C4orf51: variants seen among roughly 807,000 people sequenced by gnomAD.
C4orf51 encodes uncharacterized protein C4orf51.
A neutral mutation model predicts 25.2 loss-of-function variants in C4orf51; 25 were observed. The ratio of observed to expected loss-of-function variants is 0.99; its 90% CI spans 0.72 to 1.39. The LOEUF (loss-of-function observed/expected upper bound fraction) is 1.39, where lower values mean the gene tolerates loss of function less well. Ranked by LOEUF, C4orf51 falls within the 40% of genes most tolerant of loss-of-function variation. C4orf51 has a pLI of 0.00. For missense variants in C4orf51, 252 were observed against 239.6 expected (o/e 1.05, Z -0.34); for synonymous variants, 100 against 84.5 (o/e 1.18, Z -1.01).
At chr4:145,713,972 G>A (rs561322752) in intron 2 of C4orf51, among the ~76,000 whole-genome samples, 9 of 152,078 alleles carry the variant, frequency 5.9e-5, no homozygotes, top group African/African-American at 1.9e-4. Flanking sequence ...TAGTAGAGAC[G>A]GAGTTTCACT....
chr4:145,719,980 G>C (rs1426824915), intron 2 of C4orf51, among the ~76,000 whole-genome samples: 2 of 152,172 alleles, frequency 1.3e-5, no homozygotes, highest in African/African-American at 2.4e-5. Context: ...TGAGTATCTC[G>C]TGGCTTCCGA....
At chr4:145,717,179 G>GT (rs1300950772) in intron 2 of C4orf51, among the ~76,000 whole-genome samples, 1 of 152,186 alleles carries the variant, frequency 6.6e-6, no homozygotes, top group African/African-American at 2.4e-5. Context: ...AGTTGGGTGG[G>GT]TGGGGGCATT....
rs558142715 is a variant in C4orf51, at chr4:145,761,101, G to A, written n.167-9887G>A. 4.7e-6 allele frequency: 6 copies of A among 1,289,612 alleles called. No individual in the cohort carries two copies. In the South Asian group the frequency reaches 6.2e-5, roughly 13 times the overall value. The allele number at this position is 1,289,612 out of a possible 1,614,324, so 79.9% of individuals were successfully genotyped here. A position where few individuals can be genotyped will look rare whatever the true frequency, so the allele number is the denominator to read the frequency against. Reference sequence around the variant, plus strand: ...TGACAGGGGAGACAGGAGATTCCGGGAGCTCCCGACCACCAGGAGCGGGGC... The same window carrying A: ...TGACAGGGGAGACAGGAGATTCCGGAAGCTCCCGACCACCAGGAGCGGGGC... On this transcript the variant is annotated intron_variant and non_coding_transcript_variant, in intron 1 of 1. Coordinates refer to the C4orf51 transcript ENST00000510096. This position sits in a 1 kb window ranked among gnomAD's most constrained non-coding sequence, Gnocchi z 6.8.
At chr4:145,759,324 C>CA (rs1734212462), downstream of C4orf51, 1 of 152,104 alleles carries the variant, frequency 6.6e-6, no homozygotes, top group Non-Finnish European at 1.5e-5. Context: ...TTAAGATTAG[C>CA]AAAGAGCTTT....
At chr4:145,713,462 G>T (rs1731238464) in intron 2 of C4orf51, among the ~76,000 whole-genome samples, 1 of 152,202 alleles carries the variant, frequency 6.6e-6, no homozygotes, top group African/African-American at 2.4e-5. Context: ...GACTTCTGTG[G>T]AGTAAGTATG....
In C4orf51 at chr4:145,693,551, A is replaced by C. The variant is rs1315562957; in HGVS notation, c.234-3008A>C. 6.0e-5 allele frequency among the ~76,000 whole-genome samples: 9 copies of C among 149,384 alleles called. No homozygotes were observed. The East Asian group carries it at 1.8e-3, about 30-fold the overall frequency. On this transcript the variant is annotated intron_variant, in intron 1 of 5. Coordinates refer to ENST00000438731, the MANE Select transcript of C4orf51 (RefSeq NM_001080531.3). ...CCGTTCTCAATGAGCTGTTGGGTAC[A>C]CCTCCCAGATGGGGTGGTGGCCGGG...
At position 145,750,020 on chromosome 4, in the gene C4orf51, C is replaced by T. The variant is rs567069754; in HGVS notation, n.168-4187C>T. Among the ~76,000 whole-genome samples the T allele has an allele frequency of 2.0e-5, 3 of 152,292 alleles. No homozygotes were observed. The South Asian group carries it at 6.2e-4, about 32-fold the overall frequency. ...AAACAGAAAACTAATAAAGACTCTA[C>T]ACTTTACCTTCATCTCCCACTTTTT... On this transcript the variant is annotated intron_variant and non_coding_transcript_variant, in intron 1 of 1. Transcript: ENST00000508981.
chr4:145,692,968 T>G (rs1233110937), intron 1 of C4orf51, among the ~76,000 whole-genome samples: 7 of 110,056 alleles, frequency 6.4e-5, no homozygotes, highest in South Asian at 3.0e-4. Context: ...TTTTTTTTTT[T>G]TTTTTTTTTT....
At chr4:145,786,865 G>A in the C4orf51 span, among the ~76,000 whole-genome samples, 3 of 152,146 alleles carry the variant, frequency 2.0e-5, no homozygotes, top group South Asian at 2.1e-4. Context: ...AACATCTACC[G>A]TTTTAGAATT....
rs990426443 is a variant in C4orf51, at chr4:145,765,416, G to T, written n.167-5572G>T. On this transcript the variant is annotated intron_variant and non_coding_transcript_variant, in intron 1 of 1. Coordinates refer to the C4orf51 transcript ENST00000510096. This position sits in a 1 kb window ranked among gnomAD's most constrained non-coding sequence, Gnocchi z 4.7. ...AAGCCAAAAGAAATACAACCTTTAG[G>T]TGAGGCCCAGCATACTGCATCCTGG... The T allele has an allele frequency of 8.6e-7, 1 of 1,161,946 alleles. No homozygotes were observed. The highest frequency in any genetic ancestry group is 1.2e-6 in the Non-Finnish European group (1 of 839,016). 72.0% of individuals were successfully genotyped at this position (1,161,946 alleles called of 1,614,324 possible). A position where few individuals can be genotyped will look rare whatever the true frequency, so the allele number is the denominator to read the frequency against.
chr4:145,725,410 C>A (rs1049451799), intron 2 of C4orf51, among the ~76,000 whole-genome samples: 10 of 152,020 alleles, frequency 6.6e-5, no homozygotes, highest in African/African-American at 2.4e-4. Flanking sequence ...AAATTAATAG[C>A]AGAACCCAGT....
downstream of C4orf51, among the ~76,000 whole-genome samples, chr4:145,755,032 T>C (rs1037069200): frequency 1.3e-5 from 2 of 152,250 alleles, no homozygotes; most frequent in African/African-American, 2.4e-5. Context: ...ACTGAGCCTG[T>C]TGTGACTTGA....
At chr4:145,755,931 G>A (rs767837421), downstream of C4orf51, among the ~76,000 whole-genome samples, 17 of 152,124 alleles carry the variant, frequency 1.1e-4, no homozygotes, top group Non-Finnish European at 2.2e-4. Context: ...GCTGGGAAGG[G>A]TTCCAGTTCT....
downstream of C4orf51, chr4:145,774,495 G>A: frequency 6.2e-7 from 1 of 1,606,770 alleles, no homozygotes; most frequent in Non-Finnish European, 8.5e-7. Flanking sequence ...AGGACAGACA[G>A]GAATGGTCAC....
chr4:145,779,296 G>C, the C4orf51 span: 1 of 1,527,994 alleles, frequency 6.5e-7, no homozygotes, highest in South Asian at 1.3e-5. Flanking sequence ...GCCTCTCTTA[G>C]AGAAACTCAG....
intron 3 of C4orf51, among the ~76,000 whole-genome samples, chr4:145,727,606 T>C (rs1732133185): frequency 6.6e-6 from 1 of 151,722 alleles, no homozygotes; most frequent in African/African-American, 2.4e-5. Flanking sequence ...CCGGGCACGG[T>C]GGCTCATGCC....
chr4:145,687,002 TG>T (rs138977901), intron 1 of C4orf51, among the ~76,000 whole-genome samples: 6 of 123,520 alleles, frequency 4.9e-5, no homozygotes, highest in Admixed American at 2.4e-4. Flanking sequence ...TTGGATCTTG[TG>T]GGGGGGGCGG....
rs111467990 is a variant in C4orf51 at position 145,765,392 on chromosome 4, A to G, written n.167-5596A>G. Among the ~76,000 whole-genome samples, 1 of 152,188 alleles carries G rather than the reference A, an allele frequency of 6.6e-6. No individual in the cohort carries two copies. The highest frequency in any genetic ancestry group is 1.5e-5 in the Non-Finnish European group (1 of 68,032). On this transcript the variant is annotated intron_variant and non_coding_transcript_variant, in intron 1 of 1. Coordinates refer to the C4orf51 transcript ENST00000510096. This position sits in a 1 kb window ranked among gnomAD's most constrained non-coding sequence, Gnocchi z 4.7. ...CCACCCCATACTCGGATTCAAATTA[A>G]GCCAAAAGAAATACAACCTTTAGGT...
chr4:145,721,428 A>G lies in C4orf51; in HGVS notation c.308-5483A>G, dbSNP rs565005306. Among the ~76,000 whole-genome samples the G allele has an allele frequency of 3.2e-4, 48 of 151,928 alleles. 1 individual carries two copies. Among genetic ancestry groups the G allele is most frequent in the African/African-American group, 1.1e-3 (44 of 41,416 alleles). ...CACTTTGCCTGGAATTGAGGGCCTC[A>G]CCACACTAAACATGACAGCTACGCT... On this transcript the variant is annotated intron_variant, in intron 2 of 5. Coordinates refer to ENST00000438731, the MANE Select transcript of C4orf51 (RefSeq NM_001080531.3).
Sources: allele counts gnomAD v4.1 joint callset (sites outside exome capture counted in the v4.1 genomes callset), GRCh38; gene constraint gnomAD v4.1.1; non-coding constraint Gnocchi (gnomAD v3.1); transcripts MANE v1.5; gene names NCBI Gene and HGNC (gene_info 2026-07-23, HGNC 2026-07-21).